CCAR2: variants seen among roughly 807,000 people sequenced by gnomAD.
CCAR2 encodes the protein cell cycle and apoptosis regulator protein 2.
Under a neutral mutation model 108.1 loss-of-function variants are expected in CCAR2, and 21 were observed. The ratio of observed to expected loss-of-function variants is 0.19; its 90% CI spans 0.14 to 0.28. The LOEUF (loss-of-function observed/expected upper bound fraction) is 0.28. Among genes scored for constraint, CCAR2 ranks in the 10% least tolerant of loss-of-function variants. The pLI, the probability that CCAR2 is intolerant of heterozygous loss-of-function variation, is 1.00. For missense variants in CCAR2, 1,126 were observed against 1,177.0 expected (o/e 0.96, Z 0.63); for synonymous variants, 577 against 472.8 (o/e 1.22, Z -2.86).
At chr8:22,607,690 T>C (rs936118445) in intron 6 of CCAR2, among the ~76,000 whole-genome samples, 7 of 151,998 alleles carry the variant, frequency 4.6e-5, no homozygotes, top group Non-Finnish European at 1.0e-4. Context: ...AGTGGCGCGA[T>C]CTCGGCTCAC....
chr8:22,605,961 T>A, intron 2 of CCAR2, 124 bp from the exon 3 acceptor site: 1 of 1,268,794 alleles, frequency 7.9e-7, no homozygotes, highest in Non-Finnish European at 1.1e-6. Flanking sequence ...CCACAGTGAT[T>A]GCCAGTGAAG....
At position 22,613,025 on chromosome 8, in the gene CCAR2, A is replaced by G. The variant is rs200084191; in HGVS notation, c.593A>G (p.Tyr198Cys). The change falls in exon 8 of 21, where the codon TAT (tyrosine) becomes TGT (cysteine). Residue 198 changes from tyrosine (Y) to cysteine (C), a missense_variant. Tyr to Cys is a radical substitution (Grantham distance 194, BLOSUM62 -2). Coordinates refer to ENST00000308511, the MANE Select transcript of CCAR2 (RefSeq NM_001393997.1). ...GRLDQGRSDDYDSKKRKQRAG... is the reference protein window; with the variant it reads ...GRLDQGRSDDCDSKKRKQRAG... Reference sequence around the variant, plus strand: ...GATGGGTCAACCTCTAGTGATGACTATGACTCCAAGAAACGCAAACAGCGG... The same window carrying G: ...GATGGGTCAACCTCTAGTGATGACTGTGACTCCAAGAAACGCAAACAGCGG... The G allele has an allele frequency of 5.6e-5, 90 of 1,613,036 alleles. No homozygotes were observed. Among genetic ancestry groups the G allele is most frequent in the East Asian group, 8.9e-5 (4 of 44,832 alleles).
At chr8:22,621,425 G>C, downstream of CCAR2, 1 of 1,612,810 alleles carries the variant, frequency 6.2e-7, no homozygotes, top group East Asian at 2.2e-5. Context: ...CGGGGATTCA[G>C]TCATCGGCCA....
chr8:22,615,461 A>AC lies in CCAR2; in HGVS notation c.1249dup (p.Arg417ProfsTer49), dbSNP rs756536005. ...CCGAGTTTCAGTACCTGCAGCCGGG[A>AC]CCCCCCCGGCGGCTTCAGACAGTGG... On this transcript the variant is annotated frameshift_variant, in exon 12 of 21. Transcript: ENST00000308511. LOFTEE classifies it high-confidence loss of function. 13 of 1,613,222 alleles carry AC rather than the reference A, an allele frequency of 8.1e-6. No homozygotes were observed. The highest frequency in any genetic ancestry group is 2.2e-5 in the East Asian group (1 of 44,850).
chr8:22,608,613 G>T (rs1195020106), intron 7 of CCAR2, among the ~76,000 whole-genome samples: 1 of 152,160 alleles, frequency 6.6e-6, no homozygotes, highest in Non-Finnish European at 1.5e-5. Flanking sequence ...GGCCTTTAGG[G>T]TATCCTGGTG....
rs1459940134 is a variant in CCAR2, at chr8:22,620,184, A to G, written c.*502A>G. On this transcript the variant is annotated 3_prime_UTR_variant, in exon 21 of 21. Coordinates refer to ENST00000308511, the MANE Select transcript of CCAR2 (RefSeq NM_001393997.1). ...TCTGGGGGAAGGGTCTCCCTTGGCC[A>G]TCACGGGAATGGAGTCCATGCTAGA... is the stretch of plus-strand genomic sequence containing the variant. 5 of 158,962 alleles carry G rather than the reference A, an allele frequency of 3.1e-5. No individual in the cohort carries two copies. Among genetic ancestry groups the G allele is most frequent in the Middle Eastern group, 3.1e-3 (1 of 318 alleles). 9.8% of individuals were successfully genotyped at this position (158,962 alleles called of 1,614,324 possible). A position where few individuals can be genotyped will look rare whatever the true frequency, so the allele number is the denominator to read the frequency against.
In CCAR2 at chr8:22,618,460, C is replaced by G; in HGVS notation, c.2185C>G (p.Leu729Val). ...GCACCGGCGAGACTTAGAGAGGATC[C>G]TCCTTACCCTTGGGATCCGGCTCAG... ...YLHRRDLERI[L>V]LTLGIRLSAE... The change falls in exon 17 of 21, where the codon CTC (leucine) becomes GTC (valine). Residue 729 changes from leucine to valine, a missense_variant. Around this residue, in one of 4 missense-constraint regions of CCAR2, gnomAD observed 1,013 missense variants for 993.9 expected, o/e 1.02. Coordinates refer to ENST00000308511, the MANE Select transcript of CCAR2 (RefSeq NM_001393997.1). The G allele has an allele frequency of 6.2e-7, 1 of 1,614,198 alleles. No homozygotes were observed. The highest frequency in any genetic ancestry group is 8.5e-7 in the Non-Finnish European group (1 of 1,180,040).
In CCAR2 at chr8:22,619,820, G is replaced by C. The variant is rs913875497; in HGVS notation, c.*138G>C. The C allele has an allele frequency of 1.2e-6, 1 of 860,572 alleles. No individual in the cohort carries two copies. Among genetic ancestry groups the C allele is most frequent in the African/African-American group, 1.7e-5 (1 of 59,950 alleles). 53.3% of individuals were successfully genotyped at this position (860,572 alleles called of 1,614,324 possible). A position where few individuals can be genotyped will look rare whatever the true frequency, so the allele number is the denominator to read the frequency against. The stretch of plus-strand genomic sequence containing the variant: ...TGGCTGACCCCATGCTCAGCCTCTA[G>C]GGGACGGCAGGCCATCAGGCTGGGG... On this transcript the variant is annotated 3_prime_UTR_variant, in exon 21 of 21. Coordinates refer to ENST00000308511, the MANE Select transcript of CCAR2 (RefSeq NM_001393997.1).
intron 14 of CCAR2, 83 bp from the exon 15 acceptor site, chr8:22,617,337 A>C: frequency 6.8e-7 from 1 of 1,474,828 alleles, no homozygotes; most frequent in Non-Finnish European, 9.1e-7. Flanking sequence ...GGCATAGTTG[A>C]TACTCAGGTG....
At chr8:22,607,914 T>G in intron 6 of CCAR2, 55 bp from the exon 7 acceptor site, 29 of 1,467,790 alleles carry the variant, frequency 2.0e-5, no homozygotes, top group Non-Finnish European at 2.7e-5. Context: ...GTGTGAGCTA[T>G]TGCACCCGGC....
intron 2 of CCAR2, 59 bp downstream of exon 2, chr8:22,605,890 T>C (rs1801058157): frequency 3.2e-6 from 5 of 1,557,518 alleles, no homozygotes; most frequent in South Asian, 2.2e-5. Flanking sequence ...TGGAGTTAGT[T>C]TGGGGTTTCC....
Position 22,615,932 on chromosome 8 carries a change from G to T in CCAR2, c.1608+20G>T, listed in dbSNP as rs747943501. On this transcript the variant is annotated intron_variant, in intron 13 of 20. Transcript: ENST00000308511. ...TTTGAGGCAGGTGTCAAGAGTCTTGGGGAGGCTGTGGGCTGGGATTTGTGG... is the reference window on the plus strand; with the variant it reads ...TTTGAGGCAGGTGTCAAGAGTCTTGTGGAGGCTGTGGGCTGGGATTTGTGG... The T allele has an allele frequency of 6.2e-7, 1 of 1,613,598 alleles. No homozygotes were observed.
At chr8:22,614,738 C>G (rs771726493) in intron 10 of CCAR2, 100 bp from the exon 11 acceptor site, 2 of 800,210 alleles carry the variant, frequency 2.5e-6, no homozygotes, top group Non-Finnish European at 3.5e-6. Flanking sequence ...GACTTCCCCA[C>G]TTCCGGCTGC....
chr8:22,612,199 G>A (rs553044863), intron 7 of CCAR2, among the ~76,000 whole-genome samples: 6 of 152,176 alleles, frequency 3.9e-5, no homozygotes, highest in Admixed American at 3.3e-4. Flanking sequence ...CGCCCACTTC[G>A]GCCTCCCTAA....
chr8:22,616,824 G>GA (rs1211912329), intron 14 of CCAR2, among the ~76,000 whole-genome samples: 7 of 69,190 alleles, frequency 1.0e-4, no homozygotes, highest in Admixed American at 1.6e-4. Flanking sequence ...TCTCAAAAAA[G>GA]AAAAAAAAAG....
chr8:22,614,104 C>T lies in CCAR2; in HGVS notation c.717C>T (p.Asp239=), dbSNP rs1159312049. The change falls in exon 9 of 21, where the codon GAC becomes GAT. Residue 239 remains aspartate (D), a synonymous_variant. Coordinates refer to ENST00000308511, the MANE Select transcript of CCAR2 (RefSeq NM_001393997.1). ...TGTCTTCCTGTAGCCCCATCTGTGA[C>T]TTCCTAGAACTCCAGCGCCGTTACC... ...TPYTVDSPIC[D]FLELQRRYRS... The T allele has an allele frequency of 1.2e-6, 2 of 1,613,874 alleles. No homozygotes were observed. Among genetic ancestry groups the T allele is most frequent in the Non-Finnish European group, 1.7e-6 (2 of 1,180,000 alleles).
chr8:22,606,886 G>T, intron 4 of CCAR2, 24 bp from the exon 5 acceptor site: 1 of 1,610,936 alleles, frequency 6.2e-7, no homozygotes, highest in Non-Finnish European at 8.5e-7. Flanking sequence ...TTCTGATGGG[G>T]CCTTCTGGCT....
chr8:22,617,256 T>C (rs1585165136), intron 14 of CCAR2, 164 bp from the exon 15 acceptor site: 1 of 808,118 alleles, frequency 1.2e-6, no homozygotes, highest in Non-Finnish European at 1.8e-6. Context: ...TGGCATGCTC[T>C]GAATCCCACT....
intron 7 of CCAR2, among the ~76,000 whole-genome samples, chr8:22,609,562 T>G (rs551985436): frequency 8.5e-5 from 13 of 152,344 alleles, no homozygotes; most frequent in Non-Finnish European, 1.6e-4. Context: ...CATAAGTATA[T>G]AAATATATCC....
Sources: gnomAD v4.1 joint callset for allele counts (sites outside exome capture counted in the v4.1 genomes callset) on GRCh38, gnomAD v4.1.1 for gene constraint, gnomAD v4.1.1 regional missense constraint, MANE v1.5 for transcripts, NCBI Gene and HGNC (gene_info 2026-07-23, HGNC 2026-07-21) for gene names.